Variants in LRCH1 observed in about 807,000 individuals in gnomAD.
LRCH1 encodes leucine-rich repeat and calponin homology domain-containing protein 1.
Under a neutral mutation model 94.9 loss-of-function variants are expected in LRCH1, and 23 were observed. The observed-to-expected ratio is 0.24, with a 90% confidence interval of 0.17 to 0.34. LRCH1 has a LOEUF of 0.34. LRCH1 is among the 10% of genes least tolerant of loss of function. The pLI, the probability that LRCH1 is intolerant of heterozygous loss-of-function variation, is 1.00. For synonymous variants in LRCH1, 364 were observed against 354.9 expected, an observed-to-expected ratio of 1.03 and a Z score of -0.29; for missense variants, 790 against 945.9, an observed-to-expected ratio of 0.84 and a Z score of 2.16.
At chr13:46,664,543 A>G (rs367625699) in intron 2 of LRCH1, among the ~76,000 whole-genome samples, 7 of 152,224 alleles carry the variant, frequency 4.6e-5, no homozygotes, top group African/African-American at 1.7e-4. Context: ...GGAGTAGGCT[A>G]GACACTTAGG....
intron 1 of LRCH1, among the ~76,000 whole-genome samples, chr13:46,616,173 T>C (rs568251658): frequency 1.3e-5 from 2 of 152,278 alleles, no homozygotes; most frequent in East Asian, 3.9e-4. Context: ...ATTTAGTGAA[T>C]TGGAACAATA....
intron 1 of LRCH1, among the ~76,000 whole-genome samples, chr13:46,571,529 T>A (rs1208073776): frequency 6.6e-6 from 1 of 152,180 alleles, no homozygotes; most frequent in Non-Finnish European, 1.5e-5. Flanking sequence ...TTCCAAGGGC[T>A]GTGGAGCTTC....
chr13:46,744,110 T>G lies in LRCH1; in HGVS notation c.*2262T>G, dbSNP rs1050990109. ...TTAATTTCTAATCAGAATATTAAGCTTCTCTGTGGTTTTTCTCCAAGGTAC... is the reference window on the plus strand; with the variant it reads ...TTAATTTCTAATCAGAATATTAAGCGTCTCTGTGGTTTTTCTCCAAGGTAC... On this transcript the variant is annotated 3_prime_UTR_variant, in exon 20 of 20. Transcript: ENST00000389797. The G allele has an allele frequency of 1.0e-6, 1 of 985,320 alleles. No homozygotes were observed. Among genetic ancestry groups the G allele is most frequent in the Non-Finnish European group, 1.2e-6 (1 of 829,940 alleles). 61.0% of individuals were successfully genotyped at this position (985,320 alleles called of 1,614,324 possible).
Position 46,604,331 on chromosome 13 carries a change from GTCT to G in LRCH1, c.308-45865_308-45863del, listed in dbSNP as rs1447294872. Among the ~76,000 whole-genome samples, 3 of 152,262 alleles carry G rather than the reference GTCT, an allele frequency of 2.0e-5. No homozygotes were observed. The East Asian group carries it at 5.8e-4, about 29-fold the overall frequency. Reference sequence around the variant, plus strand: ...GAGGAGAGGTGTCAGAGCCTCAGGTGTCTTCTTGTGGGTGACCGAGGTGGCTGC... The same window carrying G: ...GAGGAGAGGTGTCAGAGCCTCAGGTGTCTTGTGGGTGACCGAGGTGGCTGC... On this transcript the variant is annotated intron_variant, in intron 1 of 19. Transcript: ENST00000389797.
At chr13:46,650,636 T>C (rs111962340) in intron 2 of LRCH1, among the ~76,000 whole-genome samples, 11 of 151,078 alleles carry the variant, frequency 7.3e-5, no homozygotes, top group African/African-American at 2.7e-4. Context: ...GTTGTAGTTA[T>C]GTTGTCTTCA....
intron 18 of LRCH1, among the ~76,000 whole-genome samples, chr13:46,730,917 G>C (rs1873068728): frequency 1.3e-5 from 2 of 152,064 alleles, no homozygotes; most frequent in Admixed American, 6.5e-5. Context: ...CAGGAAAAAT[G>C]CTACATTGTT....
intron 1 of LRCH1, among the ~76,000 whole-genome samples, chr13:46,565,071 C>T (rs529151237): frequency 6.6e-6 from 1 of 152,304 alleles, no homozygotes; most frequent in African/African-American, 2.4e-5. Context: ...GTCTCAGTTT[C>T]CTCGTCATAA....
intron 1 of LRCH1, among the ~76,000 whole-genome samples, chr13:46,567,232 T>C (rs1440429074): frequency 1.3e-5 from 2 of 152,234 alleles, no homozygotes; most frequent in Non-Finnish European, 2.9e-5. Flanking sequence ...TGTTTTATTA[T>C]GTAATAAGAA....
intron 19 of LRCH1, among the ~76,000 whole-genome samples, chr13:46,738,614 C>T (rs991616495): frequency 2.0e-5 from 3 of 152,018 alleles, no homozygotes; most frequent in South Asian, 2.1e-4. Context: ...AGCCTTATAC[C>T]TATTTTTCTT....
downstream of LRCH1, chr13:46,744,899 G>C (rs9534480): frequency 1.0e-6 from 1 of 984,516 alleles, no homozygotes; most frequent in African/African-American, 1.8e-5. Flanking sequence ...TTGGTATATA[G>C]AATGTGCCCT....
chr13:46,648,687 C>G (rs2051253993), intron 1 of LRCH1, among the ~76,000 whole-genome samples: 1 of 152,062 alleles, frequency 6.6e-6, no homozygotes, highest in Non-Finnish European at 1.5e-5. Context: ...TTGTCATCAC[C>G]TTTTAAAATT....
chr13:46,582,580 G>A (rs1341890989), intron 1 of LRCH1, among the ~76,000 whole-genome samples: 1 of 146,278 alleles, frequency 6.8e-6, no homozygotes, highest in Non-Finnish European at 1.5e-5. Context: ...GACCTCCCGG[G>A]CTCAGGTGAT....
chr13:46,752,672 C>T (rs566274683), exon 19 of LRCH1: 1 of 152,270 alleles, frequency 6.6e-6, no homozygotes, highest in African/African-American at 2.4e-5. Context: ...GCTGCACCTT[C>T]ACGGGCATTC....
Position 46,558,572 on chromosome 13 carries a change from C to CAAAAAA in LRCH1, c.307+4890_307+4895dup, listed in dbSNP as rs575874794. Among the ~76,000 whole-genome samples the CAAAAAA allele has an allele frequency of 2.6e-3, 88 of 34,394 alleles. 7 individuals carry two copies. The highest frequency in any genetic ancestry group is 3.4e-3 in the Non-Finnish European group (57 of 17,008). The allele number at this position is 34,394 out of a possible 152,430, so 22.6% of individuals were successfully genotyped here. On this transcript the variant is annotated intron_variant, in intron 1 of 19. Transcript: ENST00000389797. ...CCAAGACGGTGAAACCCTGTGTCTA[C>CAAAAAA]AAAAAAAAAAAAAAAAAAAAAAAAA...
At chr13:46,752,434 G>A (rs1311190672) in exon 19 of LRCH1, 1 of 152,226 alleles carries the variant, frequency 6.6e-6, no homozygotes, top group Non-Finnish European at 1.5e-5. Context: ...TTGGGAAGAT[G>A]GGGGGAGGTT....
chr13:46,665,019 C>A (rs1231677062), intron 2 of LRCH1, among the ~76,000 whole-genome samples: 1 of 152,134 alleles, frequency 6.6e-6, no homozygotes, highest in African/African-American at 2.4e-5. Flanking sequence ...CCACACCAAG[C>A]AGCCAATTGA....
chr13:46,712,635 C>G, intron 15 of LRCH1, 38 bp downstream of exon 15: 1 of 1,546,440 alleles, frequency 6.5e-7, no homozygotes. Context: ...CACTAAATAA[C>G]TCATTGCTTT....
At chr13:46,575,745 C>T (rs1233561523) in intron 1 of LRCH1, among the ~76,000 whole-genome samples, 13 of 152,110 alleles carry the variant, frequency 8.5e-5, no homozygotes, top group Admixed American at 8.5e-4. Context: ...ATACAGAAAC[C>T]ATTGCCTAAT....
At chr13:46,673,046 A>G (rs960034280) in intron 3 of LRCH1, among the ~76,000 whole-genome samples, 7 of 152,246 alleles carry the variant, frequency 4.6e-5, no homozygotes, top group Non-Finnish European at 7.3e-5. Context: ...TAATTGTAAT[A>G]ATATTTATTT....
Sources: gnomAD v4.1 joint callset for allele counts (sites outside exome capture counted in the v4.1 genomes callset) on GRCh38, gnomAD v4.1.1 for gene constraint, MANE v1.5 for transcripts, NCBI Gene and HGNC (gene_info 2026-07-23, HGNC 2026-07-21) for gene names.